Variants in POU6F2 observed in about 807,000 individuals in gnomAD.
POU6F2 encodes POU domain, class 6, transcription factor 2.
POU6F2 carries 31 observed loss-of-function variants against 71.3 expected under a neutral mutation model. The ratio of observed to expected loss-of-function variants is 0.43; its 90% CI spans 0.33 to 0.59. POU6F2 has a LOEUF of 0.59. POU6F2 is among the 20% of genes least tolerant of loss of function. The probability of loss-of-function intolerance (pLI) is 0.04; values close to 1 mark genes in which losing one functional copy is unlikely to be tolerated. For synonymous variants in POU6F2, 347 were observed against 355.7 expected, an observed-to-expected ratio of 0.98 and a Z score of 0.27; for missense variants, 783 against 856.8, an observed-to-expected ratio of 0.91 and a Z score of 1.07.
At chr7:39,259,445 G>A (rs181687467) in intron 4 of POU6F2, among the ~76,000 whole-genome samples, 248 of 152,284 alleles carry the variant, frequency 1.6e-3, no homozygotes, top group Non-Finnish European at 2.4e-3. Flanking sequence ...TGGGCCCCGA[G>A]TAGGGAGATG....
intron 4 of POU6F2, among the ~76,000 whole-genome samples, chr7:39,251,620 TAGAA>T (rs1232134501): frequency 6.6e-6 from 1 of 152,122 alleles, no homozygotes; most frequent in African/African-American, 2.4e-5. Context: ...TAATGTTAAG[TAGAA>T]AGAAATAAAA....
At chr7:39,137,179 A>C (rs1002078765) in intron 2 of POU6F2, among the ~76,000 whole-genome samples, 1 of 152,208 alleles carries the variant, frequency 6.6e-6, no homozygotes, top group African/African-American at 2.4e-5. Context: ...TAATGTTTGA[A>C]ATGGTGGATA....
chr7:39,310,125 C>T (rs1035518387), intron 4 of POU6F2, among the ~76,000 whole-genome samples: 1 of 152,064 alleles, frequency 6.6e-6, no homozygotes, highest in Non-Finnish European at 1.5e-5. Context: ...GAATCTAGGG[C>T]AATCCAGAGT....
intron 2 of POU6F2, among the ~76,000 whole-genome samples, chr7:39,129,257 G>C (rs182317516): frequency 2.4e-4 from 36 of 152,218 alleles, no homozygotes; most frequent in Middle Eastern, 3.4e-3. Flanking sequence ...GTGAGTTCAA[G>C]TCCCAAGCTT....
chr7:39,084,116 G>T (rs1258290409), intron 1 of POU6F2, among the ~76,000 whole-genome samples: 1 of 152,114 alleles, frequency 6.6e-6, no homozygotes, highest in Non-Finnish European at 1.5e-5. Context: ...CTTTCTCGCT[G>T]TCTCTCTCTG....
intron 1 of POU6F2, among the ~76,000 whole-genome samples, chr7:38,989,701 T>G (rs1788552073): frequency 6.6e-6 from 1 of 151,918 alleles, no homozygotes; most frequent in Admixed American, 6.6e-5. Flanking sequence ...CATATAGAGG[T>G]TATACAAATA....
In POU6F2 at chr7:39,426,124, G is replaced by C. The variant is rs1438523181; in HGVS notation, c.1114-6953G>C. Among the ~76,000 whole-genome samples, 3 of 152,282 alleles carry C rather than the reference G, an allele frequency of 2.0e-5. No individual in the cohort carries two copies. The East Asian group carries it at 5.8e-4, about 29-fold the overall frequency. On this transcript the variant is annotated intron_variant, in intron 6 of 9. Transcript: ENST00000518318. Reference sequence around the variant, plus strand: ...CCCCTCCTGCTCTCCCTGTTGGAATGGTTCCCATCCTGCTCCAGCTTGCTA... The same window carrying C: ...CCCCTCCTGCTCTCCCTGTTGGAATCGTTCCCATCCTGCTCCAGCTTGCTA...
At chr7:39,111,149 ATAT>A (rs1184320826) in intron 2 of POU6F2, among the ~76,000 whole-genome samples, 1 of 152,150 alleles carries the variant, frequency 6.6e-6, no homozygotes, top group Non-Finnish European at 1.5e-5. Flanking sequence ...AATTGGTTGG[ATAT>A]TATTAATTCT....
At chr7:39,176,832 A>G (rs983464573) in intron 2 of POU6F2, among the ~76,000 whole-genome samples, 11 of 152,260 alleles carry the variant, frequency 7.2e-5, no homozygotes, top group Admixed American at 3.3e-4. Context: ...CATGAGAAAT[A>G]AATCACAGTA....
At chr7:39,101,361 C>A (rs529399423) in intron 2 of POU6F2, among the ~76,000 whole-genome samples, 1 of 152,070 alleles carries the variant, frequency 6.6e-6, no homozygotes, top group East Asian at 1.9e-4. Flanking sequence ...AAGCGTGAGC[C>A]GCCATGCCAG....
intron 4 of POU6F2, among the ~76,000 whole-genome samples, chr7:39,334,202 A>T (rs1258996750): frequency 6.6e-6 from 1 of 152,230 alleles, no homozygotes; most frequent in East Asian, 1.9e-4. Flanking sequence ...AGCTGATAAC[A>T]CTGACCATAT....
intron 1 of POU6F2, among the ~76,000 whole-genome samples, chr7:38,993,121 G>C (rs1788645401): frequency 6.6e-6 from 1 of 152,052 alleles, no homozygotes; most frequent in African/African-American, 2.4e-5. Context: ...TTATTTCTGT[G>C]TATAAAGATA....
chr7:38,983,552 T>C (rs1788381904), intron 1 of POU6F2, among the ~76,000 whole-genome samples: 2 of 152,160 alleles, frequency 1.3e-5, no homozygotes, highest in Non-Finnish European at 2.9e-5. Context: ...TTTTTACACA[T>C]TTCTTCTGCA....
intron 2 of POU6F2, among the ~76,000 whole-genome samples, chr7:39,087,291 C>T (rs1791274241): frequency 6.6e-6 from 1 of 151,778 alleles, no homozygotes; most frequent in South Asian, 2.1e-4. Flanking sequence ...TAAATGCTTA[C>T]TCAATCAAAC....
At chr7:39,144,601 A>G (rs1245935846) in intron 2 of POU6F2, among the ~76,000 whole-genome samples, 1 of 152,186 alleles carries the variant, frequency 6.6e-6, no homozygotes, top group Non-Finnish European at 1.5e-5. Flanking sequence ...TGGAGTGTGA[A>G]TAAGTACCCA....
At chr7:38,982,598 A>G (rs1788351369) in intron 1 of POU6F2, among the ~76,000 whole-genome samples, 1 of 152,148 alleles carries the variant, frequency 6.6e-6, no homozygotes, top group African/African-American at 2.4e-5. Flanking sequence ...TAAAGCAGAC[A>G]TTTAAATGGT....
At chr7:39,196,134 C>T (rs1333618786) in intron 2 of POU6F2, among the ~76,000 whole-genome samples, 2 of 152,132 alleles carry the variant, frequency 1.3e-5, no homozygotes, top group African/African-American at 2.4e-5. Context: ...CACAGTGATT[C>T]GGCGGCCAGC....
chr7:39,431,371 C>G (rs1038147256), intron 6 of POU6F2, among the ~76,000 whole-genome samples: 16 of 152,216 alleles, frequency 1.1e-4, no homozygotes, highest in African/African-American at 3.6e-4. Flanking sequence ...CATGGTCTTG[C>G]AATTCTCCTG....
intron 1 of POU6F2, among the ~76,000 whole-genome samples, chr7:39,058,063 A>C (rs1341082880): frequency 6.6e-6 from 1 of 152,214 alleles, no homozygotes; most frequent in Non-Finnish European, 1.5e-5. Flanking sequence ...ACTCAAGTTA[A>C]TGTCTCTCCT....
Sources: allele counts gnomAD v4.1 joint callset (sites outside exome capture counted in the v4.1 genomes callset), GRCh38; gene constraint gnomAD v4.1.1; transcripts MANE v1.5; gene names NCBI Gene and HGNC (gene_info 2026-07-23, HGNC 2026-07-21).